The following AKAP11 variants were observed in gnomAD, a reference collection of about 807,000 sequenced individuals.
The protein encoded by AKAP11 is A-kinase anchoring protein 11, also known as A-kinase anchor protein 11.
A neutral mutation model predicts 146.1 loss-of-function variants in AKAP11; 36 were observed. That is an observed-to-expected ratio of 0.25 (90% confidence interval 0.19 to 0.33). The LOEUF is 0.33. Ranked by LOEUF, AKAP11 falls within the 10% of genes least tolerant of loss-of-function variation. AKAP11 has a pLI of 1.00. For synonymous variants in AKAP11, 780 were observed against 786.5 expected, an observed-to-expected ratio of 0.99 and a Z score of 0.14; for missense variants, 2,201 against 2,197.0, an observed-to-expected ratio of 1.00 and a Z score of -0.04.
intron 9 of AKAP11, among the ~76,000 whole-genome samples, chr13:42,310,719 C>T (rs1047448234): frequency 6.6e-6 from 1 of 151,946 alleles, no homozygotes; most frequent in African/African-American, 2.4e-5. Flanking sequence ...ATTAGCCAGG[C>T]GTGGTGGCAG....
chr13:42,286,378 G>A lies in AKAP11; in HGVS notation c.30G>A (p.Lys10=). 1 of 1,601,294 alleles carries A rather than the reference G, an allele frequency of 6.2e-7. No individual in the cohort carries two copies. Among genetic ancestry groups the A allele is most frequent in the Non-Finnish European group, 8.5e-7 (1 of 1,174,996 alleles). Residue 10 remains lysine (K), a synonymous_variant, in exon 3 of 13, where the codon AAG becomes AAA. Coordinates refer to ENST00000025301, the MANE Select transcript of AKAP11 (RefSeq NM_016248.4). MATFRNNHM[K]TKASVRKSFS... is the part of the protein sequence containing the mutation. ...CGACTTTCAGAAACAATCACATGAA[G>A]ACTAAAGCATCTGTCAGAAAAGTAA...
chr13:42,304,057 G>A (rs1309505565), intron 8 of AKAP11, among the ~76,000 whole-genome samples, 194 bp downstream of exon 8: 1 of 152,118 alleles, frequency 6.6e-6, no homozygotes. Flanking sequence ...GATCCCTTTT[G>A]AGGGAAGGTG....
intron 3 of AKAP11, among the ~76,000 whole-genome samples, chr13:42,290,433 T>G (rs1277229090): frequency 6.6e-6 from 1 of 152,188 alleles, no homozygotes; most frequent in African/African-American, 2.4e-5. Context: ...ATTAATACAC[T>G]TAATAAACTA....
At position 42,309,590 on chromosome 13, in the gene AKAP11, T is replaced by A. The variant is rs1415375848; in HGVS notation, c.5273+981T>A. ...TTGGATTAACCTGGAAATATTAATATTTTTGTAAAGTATATTTTGTCATAG... is the reference window on the plus strand; with the variant it reads ...TTGGATTAACCTGGAAATATTAATAATTTTGTAAAGTATATTTTGTCATAG... On this transcript the variant is annotated intron_variant, in intron 9 of 12. Coordinates refer to ENST00000025301, the MANE Select transcript of AKAP11 (RefSeq NM_016248.4). Among the ~76,000 whole-genome samples the A allele has an allele frequency of 2.0e-5, 3 of 152,236 alleles. No individual in the cohort carries two copies. In the South Asian group the frequency reaches 6.2e-4, roughly 31 times the overall value.
At chr13:42,284,458 TGAG>T (rs1322061102) in intron 1 of AKAP11, among the ~76,000 whole-genome samples, 1 of 152,182 alleles carries the variant, frequency 6.6e-6, no homozygotes, top group Non-Finnish European at 1.5e-5. Context: ...TTCTGGCAGT[TGAG>T]GAGAACACTG....
At chr13:42,305,668 T>C (rs9533060) in intron 8 of AKAP11, among the ~76,000 whole-genome samples, 8,163 of 152,302 alleles carry the variant, frequency 0.054, 286 homozygotes, top group Middle Eastern at 0.12. Context: ...CTTTGTGCTA[T>C]AATGGCAGAG....
At chr13:42,308,322 A>C (rs1348916712) in intron 8 of AKAP11, 132 bp from the exon 9 acceptor site, 2 of 696,524 alleles carry the variant, frequency 2.9e-6, no homozygotes, top group African/African-American at 3.6e-5. Context: ...ATAAAGGATT[A>C]CATGAGCCAC....
chr13:42,309,540 C>T (rs1960447070), intron 9 of AKAP11, among the ~76,000 whole-genome samples: 1 of 152,166 alleles, frequency 6.6e-6, no homozygotes, highest in South Asian at 2.1e-4. Flanking sequence ...TAGAACACTT[C>T]ATCTCGAAGA....
At chr13:42,291,454 T>C (rs144660218) in intron 3 of AKAP11, among the ~76,000 whole-genome samples, 1 of 152,164 alleles carries the variant, frequency 6.6e-6, no homozygotes, top group African/African-American at 2.4e-5. Flanking sequence ...GCTTTCGCTA[T>C]GTTGGCCAGG....
intron 7 of AKAP11, 46 bp downstream of exon 7, chr13:42,298,843 T>G (rs751171965): frequency 2.6e-6 from 4 of 1,528,090 alleles, no homozygotes; most frequent in Admixed American, 5.1e-5. Flanking sequence ...AATTAAAATT[T>G]TTCAGTTTTG....
At chr13:42,288,766 C>T (rs1173250687) in intron 3 of AKAP11, among the ~76,000 whole-genome samples, 1 of 152,098 alleles carries the variant, frequency 6.6e-6, no homozygotes, top group Non-Finnish European at 1.5e-5. Context: ...ATAGGCCAGG[C>T]TAGTTTTATT....
chr13:42,314,036 T>G, intron 11 of AKAP11, 96 bp downstream of exon 11: 1 of 1,268,124 alleles, frequency 7.9e-7, no homozygotes, highest in Non-Finnish European at 1.1e-6. Flanking sequence ...CTCTAGGTTA[T>G]CAGTGTAAAA....
intron 3 of AKAP11, among the ~76,000 whole-genome samples, chr13:42,286,746 A>G (rs1449055406): frequency 6.6e-6 from 1 of 152,216 alleles, no homozygotes; most frequent in Non-Finnish European, 1.5e-5. Flanking sequence ...GAGTTCTTAT[A>G]AGCCAGACCA....
chr13:42,279,281 A>ACACACACACT, intron 1 of AKAP11, among the ~76,000 whole-genome samples: 1 of 146,682 alleles, frequency 6.8e-6, no homozygotes, highest in South Asian at 2.2e-4. Flanking sequence ...ACACACACAC[A>ACACACACACT]CTCTCTCTCT....
chr13:42,319,906 G>GGTGTGTGTGT lies in AKAP11; in HGVS notation c.*713_*722dup, dbSNP rs3038992. On this transcript the variant is annotated 3_prime_UTR_variant, in exon 13 of 13. Transcript: ENST00000025301. The stretch of plus-strand genomic sequence containing the variant: ...TGCTGCCAGTCATTCTGGCATGAAA[G>GGTGTGTGTGT]GTGTGTGTGTGTGTGTGTGTGTGTG... 11,614 of 132,596 alleles carry GGTGTGTGTGT rather than the reference G, an allele frequency of 0.088. 805 individuals carry two copies. Among genetic ancestry groups the GGTGTGTGTGT allele is most frequent in the Middle Eastern group, 0.16 (42 of 262 alleles). 8.2% of individuals were successfully genotyped at this position (132,596 alleles called of 1,614,324 possible). A position where few individuals can be genotyped will look rare whatever the true frequency, so the allele number is the denominator to read the frequency against.
chr13:42,281,156 TAAATA>T (rs1459852459), intron 1 of AKAP11, among the ~76,000 whole-genome samples: 1 of 152,124 alleles, frequency 6.6e-6, no homozygotes, highest in East Asian at 1.9e-4. Flanking sequence ...CTTGAAAAAC[TAAATA>T]AAATGAGACA....
chr13:42,300,100 T>C lies in AKAP11; in HGVS notation c.1354T>C (p.Ser452Pro). The change falls in exon 8 of 13, where the codon TCC (serine) becomes CCC (proline). Residue 452 changes from serine (S) to proline (P), a missense_variant. Ser to Pro is a moderately conservative substitution (Grantham distance 74, BLOSUM62 -1). Around this residue, in one of 3 missense-constraint regions of AKAP11, gnomAD observed 1,867 missense variants for 1,833.5 expected, o/e 1.02. Transcript: ENST00000025301. ...EDSGLFSPIR[S>P]SAFSPLGGCT... is the part of the protein sequence containing the mutation. ...TAGTGGTTTATTTAGTCCTATTCGATCCTCTGCTTTTAGTCCTCTTGGAGG... is the reference window on the plus strand; with the variant it reads ...TAGTGGTTTATTTAGTCCTATTCGACCCTCTGCTTTTAGTCCTCTTGGAGG... The C allele has an allele frequency of 6.2e-7, 1 of 1,613,984 alleles. No individual in the cohort carries two copies. Among genetic ancestry groups the C allele is most frequent in the South Asian group, 1.1e-5 (1 of 91,074 alleles).
At chr13:42,288,363 C>T (rs1228820521) in intron 3 of AKAP11, among the ~76,000 whole-genome samples, 1 of 152,116 alleles carries the variant, frequency 6.6e-6, no homozygotes, top group Non-Finnish European at 1.5e-5. Context: ...TACCTACCAC[C>T]CATATTCAAC....
In AKAP11 at chr13:42,298,629, A is replaced by G. The variant is rs1279931558; in HGVS notation, c.448A>G (p.Thr150Ala). 2 of 1,612,352 alleles carry G rather than the reference A, an allele frequency of 1.2e-6. No homozygotes were observed. Among genetic ancestry groups the G allele is most frequent in the Non-Finnish European group, 1.7e-6 (2 of 1,179,322 alleles). The change falls in exon 7 of 13, where the codon ACT becomes GCT. Residue 150 changes from threonine (T) to alanine (A), a missense_variant. Thr to Ala is a moderately conservative substitution (Grantham distance 58). Coordinates refer to ENST00000025301, the MANE Select transcript of AKAP11 (RefSeq NM_016248.4). Reference protein sequence around the residue: ...FIFSLLSKYATGIRYTLDTFL... With the variant: ...FIFSLLSKYAAGIRYTLDTFL... Reference sequence around the variant, plus strand: ...CTTTAGTCTCCTAAGTAAATATGCTACTGGTATAAGGTACACCTTGGACAC... The same window carrying G: ...CTTTAGTCTCCTAAGTAAATATGCTGCTGGTATAAGGTACACCTTGGACAC...
Sources: gnomAD v4.1 joint callset for allele counts (sites outside exome capture counted in the v4.1 genomes callset) on GRCh38, gnomAD v4.1.1 for gene constraint, gnomAD v4.1.1 regional missense constraint, MANE v1.5 for transcripts, NCBI Gene and HGNC (gene_info 2026-07-23, HGNC 2026-07-21) for gene names.